NRXN3: variants seen among roughly 807,000 people sequenced by gnomAD.
NRXN3 encodes the protein neurexin III.
A neutral mutation model predicts 137.6 loss-of-function variants in NRXN3; 32 were observed. That is an observed-to-expected ratio of 0.23 (90% CI 0.18 to 0.31). The LOEUF (loss-of-function observed/expected upper bound fraction) is 0.31, where lower values mean the gene tolerates loss of function less well. Ranked by LOEUF, NRXN3 falls within the 10% of genes least tolerant of loss-of-function variation. The probability of loss-of-function intolerance (pLI) is 1.00; values close to 1 mark genes in which losing one functional copy is unlikely to be tolerated. For missense variants in NRXN3, 1,574 were observed against 2,062.5 expected (o/e 0.76, Z 4.59); for synonymous variants, 798 against 784.5 (o/e 1.02, Z -0.29).
chr14:78,653,708 A>G (rs2097764123), intron 6 of NRXN3, among the ~76,000 whole-genome samples: 1 of 75,032 alleles, frequency 1.3e-5, no homozygotes, highest in South Asian at 4.1e-4. Flanking sequence ...AAGAAAATAA[A>G]ATACACACAC....
chr14:79,140,699 G>T (rs1011788720), intron 15 of NRXN3, among the ~76,000 whole-genome samples: 2 of 151,898 alleles, frequency 1.3e-5, no homozygotes, highest in South Asian at 2.1e-4. Flanking sequence ...ATAAGAAGGA[G>T]GCACAAGTAT....
At chr14:79,403,813 T>C (rs563069347) in intron 15 of NRXN3, among the ~76,000 whole-genome samples, 2 of 152,246 alleles carry the variant, frequency 1.3e-5, no homozygotes, top group African/African-American at 4.8e-5. Flanking sequence ...TGGAGAGATC[T>C]TGATATGACC....
chr14:79,609,777 T>C (rs764614598), intron 16 of NRXN3, among the ~76,000 whole-genome samples: 17 of 152,214 alleles, frequency 1.1e-4, no homozygotes, highest in Non-Finnish European at 1.9e-4. Context: ...ATATGCCAGA[T>C]ATAGTATCTA....
At position 79,679,665 on chromosome 14, in the gene NRXN3, C is replaced by T. The variant is rs2098659551; in HGVS notation, c.3617-12508C>T. The stretch of plus-strand genomic sequence containing the variant: ...AGTAAAAAGCTTAAAAAAGAAAAAG[C>T]ACTGCTTCTAAGGTGATTCTAATTT... On this transcript the variant is annotated intron_variant, in intron 17 of 20. Transcript: ENST00000335750. Among the ~76,000 whole-genome samples, 2 of 152,028 alleles carry T rather than the reference C, an allele frequency of 1.3e-5. 1 individual carries two copies. The highest frequency in any genetic ancestry group is 4.2e-4 in the South Asian group (2 of 4,818).
intron 19 of NRXN3, among the ~76,000 whole-genome samples, chr14:79,742,634 G>A (rs536101890): frequency 2.0e-5 from 3 of 151,940 alleles, no homozygotes; most frequent in Non-Finnish European, 4.4e-5. Flanking sequence ...ATTATGTTCT[G>A]GTTTTTGAAA....
At chr14:79,615,449 T>C (rs2098143272) in intron 16 of NRXN3, among the ~76,000 whole-genome samples, 1 of 152,198 alleles carries the variant, frequency 6.6e-6, no homozygotes, top group African/African-American at 2.4e-5. Flanking sequence ...CCAGCTTTGA[T>C]TGAGAGCTCA....
intron 17 of NRXN3, among the ~76,000 whole-genome samples, chr14:79,675,367 T>C (rs1403747152): frequency 6.6e-6 from 1 of 152,120 alleles, no homozygotes; most frequent in Non-Finnish European, 1.5e-5. Flanking sequence ...CAAAATCTAC[T>C]ATAGACAATA....
chr14:79,297,736 C>A (rs576490454), intron 15 of NRXN3, among the ~76,000 whole-genome samples: 134 of 152,166 alleles, frequency 8.8e-4, no homozygotes, highest in African/African-American at 3.1e-3. Flanking sequence ...AGGAACATTT[C>A]CAAGTGGGGC....
intron 1 of NRXN3, among the ~76,000 whole-genome samples, chr14:78,188,322 A>G (rs1437042097): frequency 2.0e-5 from 3 of 152,230 alleles, no homozygotes; most frequent in East Asian, 3.8e-4. Flanking sequence ...GATCAAGGTC[A>G]TGGGATCTCC....
In NRXN3 at chr14:78,250,425, G is replaced by A. The variant is rs537566860; in HGVS notation, c.709+6623G>A. 7.2e-5 allele frequency among the ~76,000 whole-genome samples: 11 copies of A among 152,312 alleles called. No homozygotes were observed. The East Asian group carries it at 1.4e-3, about 19-fold the overall frequency. ...GGAGATTTGATGCTTCCTTTTGAGC[G>A]ACCCCTACCTCCACCAGTTTCCCTT... On this transcript the variant is annotated intron_variant, in intron 2 of 20. Coordinates refer to ENST00000335750, the MANE Select transcript of NRXN3 (RefSeq NM_001330195.2).
chr14:78,565,380 C>T (rs1452364263), intron 4 of NRXN3, among the ~76,000 whole-genome samples: 1 of 152,162 alleles, frequency 6.6e-6, no homozygotes, highest in Non-Finnish European at 1.5e-5. Context: ...AGAGCTTTTC[C>T]AGTGTGAGAG....
chr14:78,448,973 C>T (rs2094488259), intron 4 of NRXN3, among the ~76,000 whole-genome samples: 2 of 152,314 alleles, frequency 1.3e-5, no homozygotes, highest in Non-Finnish European at 2.9e-5. Context: ...TCAAATCATG[C>T]TCTCTGCAGT....
intron 15 of NRXN3, among the ~76,000 whole-genome samples, chr14:79,234,044 T>C (rs1021834579): frequency 6.6e-6 from 1 of 151,470 alleles, no homozygotes; most frequent in Non-Finnish European, 1.5e-5. Flanking sequence ...CACTTTCACC[T>C]CTGGGAGTGA....
chr14:79,631,588 C>T (rs1231035938), intron 16 of NRXN3, among the ~76,000 whole-genome samples: 1 of 152,236 alleles, frequency 6.6e-6, no homozygotes, highest in Non-Finnish European at 1.5e-5. Context: ...CTCTGGGCTG[C>T]CGGAGTGCCC....
At chr14:79,162,554 T>G (rs2153068346) in intron 15 of NRXN3, among the ~76,000 whole-genome samples, 1 of 151,888 alleles carries the variant, frequency 6.6e-6, no homozygotes, top group South Asian at 2.1e-4. Flanking sequence ...GAACAGACAC[T>G]TCTCAAAAGA....
chr14:79,832,192 T>C (rs2099326011), intron 20 of NRXN3, among the ~76,000 whole-genome samples: 1 of 152,190 alleles, frequency 6.6e-6, no homozygotes, highest in African/African-American at 2.4e-5. Flanking sequence ...ATATTTTCAT[T>C]TACCTGCAGT....
At chr14:78,676,477 T>C (rs1031606067) in intron 6 of NRXN3, among the ~76,000 whole-genome samples, 4 of 151,976 alleles carry the variant, frequency 2.6e-5, no homozygotes, top group African/African-American at 9.7e-5. Flanking sequence ...AATGCTTGAG[T>C]TTTATGAAGG....
At chr14:78,670,829 G>A (rs1014627188) in intron 6 of NRXN3, among the ~76,000 whole-genome samples, 1 of 152,160 alleles carries the variant, frequency 6.6e-6, no homozygotes, top group Non-Finnish European at 1.5e-5. Flanking sequence ...TTTCTGGTTT[G>A]GCAACATTAA....
chr14:78,366,263 C>A (rs1169296916), intron 4 of NRXN3, among the ~76,000 whole-genome samples: 1 of 152,136 alleles, frequency 6.6e-6, no homozygotes, highest in Non-Finnish European at 1.5e-5. Context: ...ATTTCCCATG[C>A]AGGTTACCTG....
Sources: gnomAD v4.1 joint callset for allele counts (sites outside exome capture counted in the v4.1 genomes callset) on GRCh38, gnomAD v4.1.1 for gene constraint, MANE v1.5 for transcripts, NCBI Gene and HGNC (gene_info 2026-07-23, HGNC 2026-07-21) for gene names.